Variants in DCLK1 observed in about 807,000 individuals in gnomAD.
DCLK1 encodes serine/threonine-protein kinase DCLK1.
A neutral mutation model predicts 86.2 loss-of-function variants in DCLK1; 16 were observed. The ratio of observed to expected loss-of-function variants is 0.19; its 90% confidence interval spans 0.13 to 0.28. The LOEUF is 0.28. DCLK1 is among the 10% of genes least tolerant of loss of function. The pLI, the probability that DCLK1 is intolerant of heterozygous loss-of-function variation, is 1.00. For synonymous variants in DCLK1, 369 were observed against 370.5 expected (o/e 1.00, Z 0.05); for missense variants, 590 against 940.2 (o/e 0.63, Z 4.87).
chr13:36,112,111 G>A lies in DCLK1; in HGVS notation c.481C>T (p.Arg161Trp), dbSNP rs368906217. 6.2e-6 allele frequency: 10 copies of A among 1,613,630 alleles called. No homozygotes were observed. Among genetic ancestry groups the A allele is most frequent in the South Asian group, 1.1e-5 (1 of 91,080 alleles). ...GCAGTGGCCAGTGAAGACACTGCCC[G>A]AGAAGCCGAGGTGGTCTTGACGTTC... is the stretch of plus-strand genomic sequence containing the variant. ...SVNVKTTSAS[R>W]AVSSLATAKG... The change falls in exon 3 of 17, where the codon CGG becomes TGG. Residue 161 changes from arginine to tryptophan, a missense_variant. Arg to Trp is a moderately radical substitution (Grantham distance 101). Around this residue, in one of 6 missense-constraint regions of DCLK1, gnomAD observed 195 missense variants for 365.1 expected, o/e 0.53. Transcript: ENST00000360631.
chr13:35,838,021 GTGTCAT>G (rs1869513227), intron 7 of DCLK1, among the ~76,000 whole-genome samples: 1 of 144,290 alleles, frequency 6.9e-6, no homozygotes, highest in Non-Finnish European at 1.5e-5. Context: ...AGCTGAGATA[GTGTCAT>G]TGCACTCTAG....
chr13:35,875,240 A>G (rs1872528803), intron 4 of DCLK1, among the ~76,000 whole-genome samples: 1 of 152,262 alleles, frequency 6.6e-6, no homozygotes. Flanking sequence ...GTCCCAGGTT[A>G]TGAACATTCA....
intron 3 of DCLK1, among the ~76,000 whole-genome samples, chr13:36,055,470 C>T (rs1401960108): frequency 2.0e-5 from 3 of 152,208 alleles, no homozygotes; most frequent in Non-Finnish European, 4.4e-5. Flanking sequence ...AACTCAGTGT[C>T]TATTCTCTCT....
At chr13:36,005,946 A>C (rs536545098) in intron 3 of DCLK1, among the ~76,000 whole-genome samples, 2 of 152,178 alleles carry the variant, frequency 1.3e-5, no homozygotes, top group South Asian at 4.1e-4. Flanking sequence ...GTTCTCACTC[A>C]AAAGTGAGAG....
intron 4 of DCLK1, among the ~76,000 whole-genome samples, chr13:35,925,792 G>A (rs768459506): frequency 3.8e-4 from 57 of 151,790 alleles, no homozygotes; most frequent in Non-Finnish European, 7.2e-4. Flanking sequence ...TTACATATAC[G>A]GACTCTAATT....
intron 3 of DCLK1, among the ~76,000 whole-genome samples, chr13:36,065,976 T>A (rs527954302): frequency 5.9e-5 from 9 of 152,192 alleles, no homozygotes; most frequent in Non-Finnish European, 1.3e-4. Context: ...CTGTTTTTTT[T>A]ATTTTCTTCT....
intron 6 of DCLK1, chr13:35,846,423 C>T (rs1870181260): frequency 1.0e-6 from 1 of 985,238 alleles, no homozygotes; most frequent in Non-Finnish European, 1.2e-6. Context: ...ATTTTGTGGC[C>T]ATATATAATA....
At chr13:36,116,059 C>T (rs376505505) in intron 2 of DCLK1, among the ~76,000 whole-genome samples, 102 of 151,840 alleles carry the variant, frequency 6.7e-4, no homozygotes, top group African/African-American at 2.0e-3. Context: ...AAGCAATTCT[C>T]CTGCCTCAGC....
At chr13:35,869,541 T>C (rs1234726689) in intron 5 of DCLK1, among the ~76,000 whole-genome samples, 1 of 152,204 alleles carries the variant, frequency 6.6e-6, no homozygotes, top group Non-Finnish European at 1.5e-5. Flanking sequence ...AAGGAAGTCA[T>C]CTCTGTCATG....
At chr13:35,846,932 TTTG>T (rs1870220615) in intron 6 of DCLK1, 1 of 985,212 alleles carries the variant, frequency 1.0e-6, no homozygotes, top group African/African-American at 1.7e-5. Flanking sequence ...GTTATCTGGC[TTTG>T]TTATTAAACT....
At chr13:35,968,997 A>C (rs1367253965) in intron 3 of DCLK1, among the ~76,000 whole-genome samples, 1 of 152,214 alleles carries the variant, frequency 6.6e-6, no homozygotes, top group Non-Finnish European at 1.5e-5. Flanking sequence ...CAACCTCTCC[A>C]GCAAATTTCC....
chr13:35,966,617 G>A (rs1418296778), intron 3 of DCLK1, among the ~76,000 whole-genome samples: 1 of 151,106 alleles, frequency 6.6e-6, no homozygotes, highest in African/African-American at 2.4e-5. Context: ...TGATTCTCCT[G>A]CCTCAGCCTG....
chr13:35,846,728 C>G (rs1207175467), intron 6 of DCLK1: 6 of 985,126 alleles, frequency 6.1e-6, no homozygotes, highest in Non-Finnish European at 2.4e-6. Flanking sequence ...CACTAACATG[C>G]ACAAATAGAG....
At chr13:35,803,028 C>T (rs1431334140) in intron 15 of DCLK1, among the ~76,000 whole-genome samples, 1 of 152,156 alleles carries the variant, frequency 6.6e-6, no homozygotes, top group African/African-American at 2.4e-5. Context: ...CATATTGTAC[C>T]TGCCTGTTTA....
intron 5 of DCLK1, among the ~76,000 whole-genome samples, chr13:35,868,498 G>A (rs1368138231): frequency 6.6e-6 from 1 of 152,110 alleles, no homozygotes; most frequent in East Asian, 1.9e-4. Flanking sequence ...CTTATATACT[G>A]AGAGGAAGAA....
chr13:35,822,187 G>A (rs1355883671), intron 11 of DCLK1, among the ~76,000 whole-genome samples: 1 of 151,160 alleles, frequency 6.6e-6, no homozygotes, highest in Non-Finnish European at 1.5e-5. Context: ...GTCTCACTCT[G>A]TCACCCAGAC....
intron 11 of DCLK1, among the ~76,000 whole-genome samples, chr13:35,812,677 T>C (rs1211255241): frequency 6.6e-6 from 1 of 152,260 alleles, no homozygotes; most frequent in African/African-American, 2.4e-5. Context: ...GCATCTTTTC[T>C]GAGCAGAAAA....
At chr13:35,837,235 G>C (rs1248477138) in intron 7 of DCLK1, among the ~76,000 whole-genome samples, 1 of 152,230 alleles carries the variant, frequency 6.6e-6, no homozygotes, top group Non-Finnish European at 1.5e-5. Context: ...CTCGATTTAT[G>C]ATGATGCTCA....
intron 7 of DCLK1, among the ~76,000 whole-genome samples, chr13:35,838,038 C>T (rs1281747580): frequency 1.4e-5 from 2 of 140,294 alleles, no homozygotes; most frequent in African/African-American, 5.4e-5. Context: ...TGCACTCTAG[C>T]CTGAGAGACA....
Sources: allele counts gnomAD v4.1 joint callset (sites outside exome capture counted in the v4.1 genomes callset), GRCh38; gene constraint gnomAD v4.1.1; regional missense constraint gnomAD v4.1.1; transcripts MANE v1.5; gene names NCBI Gene and HGNC (gene_info 2026-07-23, HGNC 2026-07-21).